CADPS2: variants seen among roughly 807,000 people sequenced by gnomAD.
CADPS2 encodes the protein calcium dependent secretion activator 2, also known as calcium-dependent secretion activator 2.
A neutral mutation model predicts 172.5 loss-of-function variants in CADPS2; 93 were observed. The ratio of observed to expected loss-of-function variants is 0.54; its 90% confidence interval spans 0.46 to 0.64. The LOEUF (loss-of-function observed/expected upper bound fraction) is 0.64, where lower values mean the gene tolerates loss of function less well. Among genes scored for constraint, CADPS2 ranks in the 30% least tolerant of loss-of-function variants. CADPS2 has a pLI of 0.00. For synonymous variants in CADPS2, 546 were observed against 555.2 expected (o/e 0.98, Z 0.23); for missense variants, 1,420 against 1,565.9 (o/e 0.91, Z 1.57).
At chr7:122,825,114 C>T (rs1804506729) in intron 1 of CADPS2, among the ~76,000 whole-genome samples, 1 of 152,074 alleles carries the variant, frequency 6.6e-6, no homozygotes, top group Admixed American at 6.5e-5. Context: ...AGAAAAAGTG[C>T]AGTAACTGGA....
intron 11 of CADPS2, among the ~76,000 whole-genome samples, chr7:122,485,291 G>A (rs968784381): frequency 1.3e-5 from 2 of 152,188 alleles, no homozygotes; most frequent in South Asian, 2.1e-4. Context: ...GGCTGAAAGC[G>A]AGGCCTTTTG....
intron 19 of CADPS2, among the ~76,000 whole-genome samples, chr7:122,410,838 G>A (rs546430155): frequency 3.9e-5 from 6 of 152,282 alleles, no homozygotes; most frequent in Admixed American, 3.3e-4. Context: ...TGGTGTTTAT[G>A]TGCCAAGTAC....
At chr7:122,402,481 A>G (rs1465655665) in intron 20 of CADPS2, among the ~76,000 whole-genome samples, 1 of 152,168 alleles carries the variant, frequency 6.6e-6, no homozygotes, top group Non-Finnish European at 1.5e-5. Context: ...GATCCCTTCC[A>G]TACTCCAAAA....
At chr7:122,689,869 A>C (rs1375014204) in intron 2 of CADPS2, among the ~76,000 whole-genome samples, 1 of 152,172 alleles carries the variant, frequency 6.6e-6, no homozygotes, top group Non-Finnish European at 1.5e-5. Context: ...GTGTTCTCCC[A>C]TTAGACAGCT....
At chr7:122,812,609 G>GTCTTC (rs1244584123) in intron 1 of CADPS2, among the ~76,000 whole-genome samples, 1 of 152,010 alleles carries the variant, frequency 6.6e-6, no homozygotes, top group Non-Finnish European at 1.5e-5. Context: ...CAAATAATAA[G>GTCTTC]TCTTCTATTT....
chr7:122,767,137 T>C (rs917664584), intron 1 of CADPS2, among the ~76,000 whole-genome samples: 1 of 152,192 alleles, frequency 6.6e-6, no homozygotes, highest in Non-Finnish European at 1.5e-5. Flanking sequence ...TTTCTAGAAA[T>C]TTTATTTAAT....
At chr7:122,510,476 G>A (rs1044764029) in intron 9 of CADPS2, among the ~76,000 whole-genome samples, 3 of 152,060 alleles carry the variant, frequency 2.0e-5, no homozygotes, top group South Asian at 2.1e-4. Flanking sequence ...GTGGCTCCTC[G>A]AGTGTTCACT....
chr7:122,449,651 T>C (rs1474493661), intron 15 of CADPS2, among the ~76,000 whole-genome samples: 1 of 152,128 alleles, frequency 6.6e-6, no homozygotes, highest in South Asian at 2.1e-4. Context: ...CAGAAACACA[T>C]CTCTAAAACT....
intron 17 of CADPS2, among the ~76,000 whole-genome samples, chr7:122,437,926 A>G (rs1334218152): frequency 6.6e-6 from 1 of 152,102 alleles, no homozygotes; most frequent in Non-Finnish European, 1.5e-5. Context: ...TCAATAATCA[A>G]CAAGTTTCTT....
intron 1 of CADPS2, among the ~76,000 whole-genome samples, chr7:122,838,732 G>C (rs555173328): frequency 1.5e-3 from 229 of 152,244 alleles, no homozygotes; most frequent in Non-Finnish European, 2.7e-3. Flanking sequence ...GGATATGAAG[G>C]ACCTCTTCAA....
chr7:122,815,919 G>C (rs941964792), intron 1 of CADPS2, among the ~76,000 whole-genome samples: 1 of 152,096 alleles, frequency 6.6e-6, no homozygotes, highest in Admixed American at 6.5e-5. Context: ...TACATATTTA[G>C]GAGTACATGT....
chr7:122,700,410 G>A (rs2085847676), intron 2 of CADPS2, among the ~76,000 whole-genome samples: 1 of 152,052 alleles, frequency 6.6e-6, no homozygotes, highest in Non-Finnish European at 1.5e-5. Flanking sequence ...TACCCATAAA[G>A]GTTGATTTTC....
At chr7:122,408,173 T>A (rs1017386940) in intron 19 of CADPS2, among the ~76,000 whole-genome samples, 2 of 149,370 alleles carry the variant, frequency 1.3e-5, no homozygotes, top group Non-Finnish European at 3.0e-5. Flanking sequence ...TATAAGGATA[T>A]ACTGTTATTT....
chr7:122,810,769 T>A (rs977632903), intron 1 of CADPS2, among the ~76,000 whole-genome samples: 1 of 152,090 alleles, frequency 6.6e-6, no homozygotes, highest in African/African-American at 2.4e-5. Context: ...TTTTAAAAAT[T>A]TTTTGATAGA....
At chr7:122,655,984 T>C (rs776613618) in intron 3 of CADPS2, among the ~76,000 whole-genome samples, 3 of 152,186 alleles carry the variant, frequency 2.0e-5, no homozygotes, top group Non-Finnish European at 4.4e-5. Flanking sequence ...CTTGGACTTC[T>C]CAGAGAACTG....
intron 24 of CADPS2, among the ~76,000 whole-genome samples, chr7:122,385,653 T>A (rs1235260019): frequency 6.6e-6 from 1 of 152,040 alleles, no homozygotes; most frequent in Non-Finnish European, 1.5e-5. Context: ...GGGGTAGTAT[T>A]TTAGGACGAA....
chr7:122,830,068 A>G (rs1344193874), intron 1 of CADPS2, among the ~76,000 whole-genome samples: 2 of 151,812 alleles, frequency 1.3e-5, no homozygotes, highest in African/African-American at 4.8e-5. Context: ...TGTTTCAAGG[A>G]GAGAAAACTT....
At position 122,416,144 on chromosome 7, in the gene CADPS2, G is replaced by A. The variant is rs1481518862; in HGVS notation, c.2497C>T (p.Pro833Ser). ...KIEETMNQAS[P>S]ARKLEEILHL... Reference sequence around the variant, plus strand: ...AGAATCTCTTCCAGCTTTCTAGCAGGAGATGCCTGGTTCATGGTCTCTATA... The same window carrying A: ...AGAATCTCTTCCAGCTTTCTAGCAGAAGATGCCTGGTTCATGGTCTCTATA... Residue 833 changes from proline to serine, a missense_variant, in exon 18 of 30, where the codon CCT (proline) becomes TCT (serine). Physicochemically the swap from Pro to Ser is moderately conservative, Grantham distance 74 (BLOSUM62 -1). Coordinates refer to ENST00000449022, the MANE Select transcript of CADPS2 (RefSeq NM_017954.11). The A allele has an allele frequency of 1.9e-6, 3 of 1,547,526 alleles. No homozygotes were observed. Among genetic ancestry groups the A allele is most frequent in the Non-Finnish European group, 1.8e-6 (2 of 1,141,322 alleles).
chr7:122,758,904 C>T (rs1232573967), intron 1 of CADPS2, among the ~76,000 whole-genome samples: 1 of 151,234 alleles, frequency 6.6e-6, no homozygotes, highest in Non-Finnish European at 1.5e-5. Context: ...TAAATGAAAG[C>T]ACCAAGGTTA....
Sources: gnomAD v4.1 joint callset for allele counts (sites outside exome capture counted in the v4.1 genomes callset) on GRCh38, gnomAD v4.1.1 for gene constraint, MANE v1.5 for transcripts, NCBI Gene and HGNC (gene_info 2026-07-23, HGNC 2026-07-21) for gene names.